Variants in ZNF189 observed in about 807,000 individuals in gnomAD.
ZNF189 encodes the protein zinc finger protein 189.
In ZNF189, 33 loss-of-function variants were observed where a neutral mutation model predicts 53.5. That is an observed-to-expected ratio of 0.62 (90% CI 0.47 to 0.82). The LOEUF (loss-of-function observed/expected upper bound fraction) is 0.82. Ranked by LOEUF, ZNF189 falls within the 40% of genes least tolerant of loss-of-function variation. The pLI, the probability that ZNF189 is intolerant of heterozygous loss-of-function variation, is 0.00. For synonymous variants in ZNF189, 247 were observed against 238.8 expected (o/e 1.03, Z -0.32); for missense variants, 711 against 753.9 (o/e 0.94, Z 0.67).
intron 2 of ZNF189, chr9:101,407,563 A>G (rs1266062799): frequency 2.5e-6 from 1 of 406,166 alleles, no homozygotes; most frequent in African/African-American, 2.1e-5. Context: ...CTAATTAAAA[A>G]AAAATTTTTT....
At chr9:101,403,268 G>A (rs1830597367) in intron 2 of ZNF189, among the ~76,000 whole-genome samples, 1 of 152,172 alleles carries the variant, frequency 6.6e-6, no homozygotes, top group Non-Finnish European at 1.5e-5. Context: ...GTGTGACAGT[G>A]TGCCCACAGA....
rs779467531 is a variant in ZNF189 at position 101,408,235 on chromosome 9, G to A, written c.467G>A (p.Gly156Asp). The change falls in exon 3 of 3, where the codon GGT becomes GAT. Residue 156 changes from glycine (G) to aspartate (D), a missense_variant. Transcript: ENST00000339664. ...CATAAATGTGAAGAATGTGGAAAGG[G>A]TTTTGTCCGCAAGGCCCATTTCATT... ...KCHKCEECGKGFVRKAHFIQH... is the reference protein window; with the variant it reads ...KCHKCEECGKDFVRKAHFIQH... 6.2e-7 allele frequency: 1 copy of A among 1,614,186 alleles called. No homozygotes were observed. Among genetic ancestry groups the A allele is most frequent in the South Asian group, 1.1e-5 (1 of 91,088 alleles).
At chr9:101,406,838 T>C (rs953006715) in intron 2 of ZNF189, among the ~76,000 whole-genome samples, 2 of 152,214 alleles carry the variant, frequency 1.3e-5, no homozygotes, top group African/African-American at 4.8e-5. Context: ...CACTCTGTTA[T>C]ATCATAGACC....
At chr9:101,399,437 G>C (rs1399748376) in intron 1 of ZNF189, 2 of 1,349,392 alleles carry the variant, frequency 1.5e-6, no homozygotes, top group African/African-American at 1.5e-5. Context: ...TAATGCTCCA[G>C]ACTAGCTCTC....
intron 2 of ZNF189, among the ~76,000 whole-genome samples, chr9:101,402,898 T>C (rs1039783177): frequency 1.2e-4 from 18 of 152,336 alleles, no homozygotes; most frequent in African/African-American, 4.3e-4. Flanking sequence ...TTTTTTAAAA[T>C]ATATTCTCTC....
intron 2 of ZNF189, among the ~76,000 whole-genome samples, chr9:101,402,405 A>T (rs1264972125): frequency 3.9e-5 from 6 of 152,218 alleles, no homozygotes; most frequent in Non-Finnish European, 8.8e-5. Flanking sequence ...TGACTGAATT[A>T]ATGTATGTAA....
At chr9:101,407,670 C>A in intron 2 of ZNF189, 1 of 442,964 alleles carries the variant, frequency 2.3e-6, no homozygotes, top group Non-Finnish European at 3.9e-6. Flanking sequence ...GCTGGGATTA[C>A]AGGCATGAGC....
intron 2 of ZNF189, among the ~76,000 whole-genome samples, chr9:101,401,562 A>G (rs1041609915): frequency 1.3e-5 from 2 of 152,222 alleles, no homozygotes; most frequent in African/African-American, 4.8e-5. Flanking sequence ...CCTATGAGTC[A>G]GACTCTCCCT....
In ZNF189 at chr9:101,399,885, G is replaced by T; in HGVS notation, c.35G>T (p.Gly12Val). ...ASPSPPPESKGLLTFEDVAVF... is the reference protein window; with the variant it reads ...ASPSPPPESKVLLTFEDVAVF... ...ACTACAGAAATCATACTATTTCAGG[G>T]GTTGCTGACATTTGAGGATGTGGCT... is the stretch of plus-strand genomic sequence containing the variant. The change falls in exon 2 of 3, where the codon GGG becomes GTG. Residue 12 changes from glycine to valine, a missense_variant and splice_region_variant. Gly to Val is a moderately radical substitution (Grantham distance 109). Transcript: ENST00000339664. 6.2e-7 allele frequency: 1 copy of T among 1,614,094 alleles called. No individual in the cohort carries two copies. Among genetic ancestry groups the T allele is most frequent in the Non-Finnish European group, 8.5e-7 (1 of 1,180,008 alleles).
intron 2 of ZNF189, among the ~76,000 whole-genome samples, chr9:101,403,222 C>T (rs748880921): frequency 6.6e-5 from 10 of 152,102 alleles, no homozygotes; most frequent in Non-Finnish European, 1.0e-4. Flanking sequence ...CCTGCCTTCT[C>T]CTAGAACTGC....
intron 2 of ZNF189, among the ~76,000 whole-genome samples, chr9:101,403,977 G>T (rs149996705): frequency 1.3e-5 from 2 of 152,254 alleles, no homozygotes; most frequent in African/African-American, 4.8e-5. Context: ...GGTTTGATAG[G>T]TTACAATTCT....
chr9:101,399,234 C>A, intron 1 of ZNF189, 45 bp downstream of exon 1: 1 of 1,530,178 alleles, frequency 6.5e-7, no homozygotes, highest in Non-Finnish European at 8.9e-7. Flanking sequence ...TCGCCGCTAC[C>A]CCAGCTAGGC....
chr9:101,398,950 G>GGGGTTC lies in ZNF189; in HGVS notation c.-203_-198dup, dbSNP rs1162465629. ...GCGTAACCAGGCAGGAGTAGGGGTT[G>GGGGTTC]GGGTTCGGGGTTGGGGGACAGCCAG... On this transcript the variant is annotated 5_prime_UTR_variant, in exon 1 of 3. Transcript: ENST00000339664. The GGGGTTC allele has an allele frequency of 5.2e-5, 34 of 655,236 alleles. No homozygotes were observed. The highest frequency in any genetic ancestry group is 8.9e-5 in the Non-Finnish European group (32 of 361,056). The allele number at this position is 655,236 out of a possible 1,614,324, so 40.6% of individuals were successfully genotyped here. A position where few individuals can be genotyped will look rare whatever the true frequency, so the allele number is the denominator to read the frequency against.
chr9:101,407,558 T>TAA, intron 2 of ZNF189: 1 of 406,098 alleles, frequency 2.5e-6, no homozygotes, highest in Non-Finnish European at 4.3e-6. Context: ...TCTGGCTAAT[T>TAA]AAAAAAAAAT....
Position 101,409,189 on chromosome 9 carries a change from A to G in ZNF189, c.1421A>G (p.His474Arg). 1 of 1,614,106 alleles carries G rather than the reference A, an allele frequency of 6.2e-7. No homozygotes were observed. The highest frequency in any genetic ancestry group is 8.5e-7 in the Non-Finnish European group (1 of 1,180,020). ...TFSVSAHLVQ[H>R]QRIHTGEKPY... The stretch of plus-strand genomic sequence containing the variant: ...AGTGTTAGTGCTCATCTTGTACAAC[A>G]TCAAAGAATCCACACTGGTGAAAAG... Residue 474 changes from histidine to arginine, a missense_variant, in exon 3 of 3, where the codon CAT becomes CGT. By Grantham distance (29) the His-to-Arg change is conservative (BLOSUM62 0). Coordinates refer to ENST00000339664, the MANE Select transcript of ZNF189 (RefSeq NM_003452.4).
chr9:101,402,124 C>T (rs977023715), intron 2 of ZNF189, among the ~76,000 whole-genome samples: 3 of 152,118 alleles, frequency 2.0e-5, no homozygotes, highest in African/African-American at 7.2e-5. Context: ...CTGTGTTGGC[C>T]GGGCTGGTCT....
At position 101,399,556 on chromosome 9, in the gene ZNF189, A is replaced by T. The variant is rs1830453468; in HGVS notation, c.34-328A>T. The T allele has an allele frequency of 4.7e-6, 6 of 1,270,388 alleles. No homozygotes were observed. The East Asian group carries it at 2.5e-4, about 52-fold the overall frequency. The allele number at this position is 1,270,388 out of a possible 1,614,324, so 78.7% of individuals were successfully genotyped here. A position where few individuals can be genotyped will look rare whatever the true frequency, so the allele number is the denominator to read the frequency against. ...GTACACGCTTAGAGAACCTCAAGGA[A>T]TTGAATTGAATAGAGTCACAAGCCA... is the stretch of plus-strand genomic sequence containing the variant. On this transcript the variant is annotated intron_variant, in intron 1 of 2. Coordinates refer to ENST00000339664, the MANE Select transcript of ZNF189 (RefSeq NM_003452.4).
At chr9:101,402,068 G>A (rs964622368) in intron 2 of ZNF189, among the ~76,000 whole-genome samples, 1 of 151,954 alleles carries the variant, frequency 6.6e-6, no homozygotes, top group African/African-American at 2.4e-5. Context: ...GGCATGCACC[G>A]CCACACCCAG....
Position 101,408,328 on chromosome 9 carries a change from G to A in ZNF189, c.560G>A (p.Arg187His), listed in dbSNP as rs954451072. Residue 187 changes from arginine to histidine, a missense_variant, in exon 3 of 3, where the codon CGC becomes CAC. Physicochemically the swap from Arg to His is conservative, Grantham distance 29. Transcript: ENST00000339664. ...AATGAATGTGGGAAAAGTTTTAGTC[G>A]CAGTTCATTTGTTATTGAACATCAG... ...QCNECGKSFS[R>H]SSFVIEHQRI... is the part of the protein sequence containing the mutation. The A allele has an allele frequency of 8.1e-6, 13 of 1,613,876 alleles. No homozygotes were observed. Among genetic ancestry groups the A allele is most frequent in the South Asian group, 2.2e-5 (2 of 91,076 alleles).
Sources: gnomAD v4.1 joint callset for allele counts (sites outside exome capture counted in the v4.1 genomes callset) on GRCh38, gnomAD v4.1.1 for gene constraint, MANE v1.5 for transcripts, NCBI Gene and HGNC (gene_info 2026-07-23, HGNC 2026-07-21) for gene names.